Variants in CUX1 observed in about 807,000 individuals in gnomAD.
The protein encoded by CUX1 is protein CASP.
Under a neutral mutation model 158.8 loss-of-function variants are expected in CUX1, and 31 were observed. The ratio of observed to expected loss-of-function variants is 0.20; its 90% CI spans 0.15 to 0.26. The LOEUF (loss-of-function observed/expected upper bound fraction) is 0.26. CUX1 is among the 10% of genes least tolerant of loss of function. CUX1 has a pLI of 1.00. For missense variants in CUX1, 1,589 were observed against 2,014.6 expected (o/e 0.79, Z 4.04); for synonymous variants, 879 against 862.1 (o/e 1.02, Z -0.34).
intron 12 of CUX1, among the ~76,000 whole-genome samples, chr7:102,192,234 G>A (rs570678203): frequency 4.1e-4 from 63 of 152,192 alleles, no homozygotes; most frequent in Non-Finnish European, 8.8e-4. Flanking sequence ...TGTCCCTTCA[G>A]GGCCCTTCTC....
At chr7:102,046,560 T>G (rs1822825048) in intron 3 of CUX1, among the ~76,000 whole-genome samples, 1 of 142,612 alleles carries the variant, frequency 7.0e-6, no homozygotes. Context: ...CTGTTTTGGT[T>G]TGGTTTGGAT....
intron 1 of CUX1, among the ~76,000 whole-genome samples, chr7:101,904,117 A>AACAC (rs10622369): frequency 0.11 from 15,469 of 143,716 alleles, 1,286 homozygotes; most frequent in East Asian, 0.45. Flanking sequence ...GTCTTTACAA[A>AACAC]ACACACACAC....
At chr7:102,237,955 AAG>A (rs1247683344) in intron 22 of CUX1, among the ~76,000 whole-genome samples, 1 of 152,142 alleles carries the variant, frequency 6.6e-6, no homozygotes, top group African/African-American at 2.4e-5. Flanking sequence ...AGAGGAGACA[AAG>A]AGAGAAACAA....
intron 2 of CUX1, among the ~76,000 whole-genome samples, chr7:101,919,635 G>T (rs1203133991): frequency 1.3e-5 from 2 of 152,204 alleles, no homozygotes; most frequent in East Asian, 3.8e-4. Context: ...GTCTCTCTTT[G>T]TTCTGGGAAA....
chr7:102,056,967 T>G (rs1824227312), intron 3 of CUX1, among the ~76,000 whole-genome samples: 1 of 149,860 alleles, frequency 6.7e-6, no homozygotes, highest in Non-Finnish European at 1.5e-5. Flanking sequence ...AGTGGTGCGA[T>G]CTCGGCTCAC....
intron 1 of CUX1, among the ~76,000 whole-genome samples, chr7:101,888,391 C>G (rs574599229): frequency 1.3e-5 from 2 of 152,244 alleles, no homozygotes; most frequent in African/African-American, 4.8e-5. Flanking sequence ...GTGCTTTATC[C>G]CATTTAATTC....
chr7:102,225,957 G>A (rs991133447), intron 20 of CUX1, among the ~76,000 whole-genome samples: 3 of 152,284 alleles, frequency 2.0e-5, no homozygotes, highest in Non-Finnish European at 4.4e-5. Flanking sequence ...ACTGAGCTGG[G>A]CCAGGGGCAG....
intron 1 of CUX1, among the ~76,000 whole-genome samples, chr7:101,886,245 G>A (rs1290403161): frequency 6.6e-6 from 1 of 152,142 alleles, no homozygotes; most frequent in African/African-American, 2.4e-5. Context: ...CAAGGCTGGA[G>A]TGCAGTGGCA....
chr7:102,188,773 C>CT (rs1160971264), intron 11 of CUX1: 2 of 148,266 alleles, frequency 1.3e-5, no homozygotes, highest in African/African-American at 5.1e-5. Flanking sequence ...CAAGATCACG[C>CT]TACTGCACTC....
At chr7:102,146,540 G>A (rs1187657997) in intron 8 of CUX1, among the ~76,000 whole-genome samples, 1 of 152,190 alleles carries the variant, frequency 6.6e-6, no homozygotes, top group Non-Finnish European at 1.5e-5. Flanking sequence ...TCCCGTTTGG[G>A]ATTGAAAAGA....
chr7:102,166,055 TGAG>T (rs1322604891), intron 9 of CUX1, among the ~76,000 whole-genome samples: 4 of 152,116 alleles, frequency 2.6e-5, no homozygotes, highest in Non-Finnish European at 5.9e-5. Flanking sequence ...CATTTTGAGA[TGAG>T]GAGGATGTGA....
intron 14 of CUX1, among the ~76,000 whole-genome samples, chr7:102,269,572 A>ATTTTTTTT (rs71123030): frequency 1.0e-4 from 11 of 107,798 alleles, no homozygotes; most frequent in Non-Finnish European, 1.0e-4. Context: ...TGCCCGGCTA[A>ATTTTTTTT]TTTTTTTTTT....
At chr7:101,870,298 C>T (rs1277573938) in intron 1 of CUX1, among the ~76,000 whole-genome samples, 1 of 151,874 alleles carries the variant, frequency 6.6e-6, no homozygotes. Context: ...GGACTACAGG[C>T]TCTTGCACCC....
chr7:102,156,539 A>G (rs1165914575), intron 8 of CUX1, among the ~76,000 whole-genome samples: 1 of 152,128 alleles, frequency 6.6e-6, no homozygotes, highest in Non-Finnish European at 1.5e-5. Context: ...GAGGGCATCC[A>G]CTGCCATGAC....
At chr7:102,130,490 G>T (rs1833094518) in intron 8 of CUX1, among the ~76,000 whole-genome samples, 1 of 152,132 alleles carries the variant, frequency 6.6e-6, no homozygotes, top group African/African-American at 2.4e-5. Flanking sequence ...AGACCAGTCT[G>T]GCCAACATAG....
chr7:101,833,810 T>C (rs1794324506), intron 1 of CUX1, among the ~76,000 whole-genome samples: 1 of 152,046 alleles, frequency 6.6e-6, no homozygotes, highest in Admixed American at 6.5e-5. Context: ...TGCAGACTGG[T>C]TTTATTCTGT....
chr7:102,235,219 C>T (rs1192613137), intron 22 of CUX1, among the ~76,000 whole-genome samples: 1 of 152,222 alleles, frequency 6.6e-6, no homozygotes, highest in Non-Finnish European at 1.5e-5. Flanking sequence ...TTTCTAAGCG[C>T]TGGTCCTCGC....
intron 2 of CUX1, among the ~76,000 whole-genome samples, chr7:101,951,467 A>C (rs931534368): frequency 6.6e-6 from 1 of 151,876 alleles, no homozygotes; most frequent in African/African-American, 2.4e-5. Context: ...ACATCGATCA[A>C]CCCAGTACCC....
At chr7:102,072,786 A>G (rs1308566344) in intron 4 of CUX1, among the ~76,000 whole-genome samples, 3 of 152,094 alleles carry the variant, frequency 2.0e-5, no homozygotes. Context: ...GGCGGGCATC[A>G]CTGGCATTTT....
Sources: gnomAD v4.1 joint callset for allele counts (sites outside exome capture counted in the v4.1 genomes callset) on GRCh38, gnomAD v4.1.1 for gene constraint, MANE v1.5 for transcripts, NCBI Gene and HGNC (gene_info 2026-07-23, HGNC 2026-07-21) for gene names.